RGS3: variants seen among roughly 807,000 people sequenced by gnomAD.
RGS3 encodes the protein regulator of G protein signaling 3, also known as regulator of G-protein signalling 3.
A neutral mutation model predicts 132.6 loss-of-function variants in RGS3; 80 were observed. The observed-to-expected ratio is 0.60, with a 90% CI of 0.50 to 0.73. RGS3 has a LOEUF of 0.73. Among genes scored for constraint, RGS3 ranks in the 30% least tolerant of loss-of-function variants. The probability of loss-of-function intolerance (pLI) is 0.00; values close to 1 mark genes in which losing one functional copy is unlikely to be tolerated. For synonymous variants in RGS3, 598 were observed against 620.6 expected, an observed-to-expected ratio of 0.96 and a Z score of 0.54; for missense variants, 1,382 against 1,530.8, an observed-to-expected ratio of 0.90 and a Z score of 1.62.
intron 18 of RGS3, among the ~76,000 whole-genome samples, chr9:113,534,662 A>C (rs973308017): frequency 6.9e-6 from 1 of 144,940 alleles, no homozygotes; most frequent in Non-Finnish European, 1.5e-5. Context: ...CCCAGGCTGG[A>C]GTGCAGTGGC....
chr9:113,500,585 CT>C (rs1830842265), intron 10 of RGS3, among the ~76,000 whole-genome samples: 1 of 152,066 alleles, frequency 6.6e-6, no homozygotes, highest in African/African-American at 2.4e-5. Flanking sequence ...GCTGGGTTGT[CT>C]GATGACCTGG....
At chr9:113,515,267 C>T (rs1831595666) in intron 15 of RGS3, among the ~76,000 whole-genome samples, 1 of 152,102 alleles carries the variant, frequency 6.6e-6, no homozygotes, top group Non-Finnish European at 1.5e-5. Context: ...GAGCTGTGAT[C>T]ATAACCCTGC....
Position 113,494,212 on chromosome 9 carries a change from C to CA in RGS3, c.690-1574_690-1573insA, listed in dbSNP as rs1418456871. Among the ~76,000 whole-genome samples the CA allele has an allele frequency of 2.0e-5, 3 of 151,340 alleles. No individual in the cohort carries two copies. The East Asian group carries it at 5.8e-4, about 29-fold the overall frequency. ...GTCCTTAAAAGTATATTGATACTGT[C>CA]TTTTTTTTTCTCCTGATTATAAAAA... On this transcript the variant is annotated intron_variant, in intron 7 of 24. Coordinates refer to ENST00000350696, the Ensembl canonical transcript of RGS3.
chr9:113,586,700 A>G (rs1407140629), intron 20 of RGS3, among the ~76,000 whole-genome samples: 1 of 152,168 alleles, frequency 6.6e-6, no homozygotes, highest in Non-Finnish European at 1.5e-5. Context: ...TAGCTTCAGT[A>G]GGAAACTTGT....
At chr9:113,557,466 T>C (rs1000232188) in intron 19 of RGS3, among the ~76,000 whole-genome samples, 4 of 152,226 alleles carry the variant, frequency 2.6e-5, no homozygotes, top group Non-Finnish European at 5.9e-5. Flanking sequence ...GTTAAACTAA[T>C]GGACTGAGGC....
intron 3 of RGS3, chr9:113,462,261 G>A (rs1829493573): frequency 9.0e-7 from 1 of 1,107,280 alleles, no homozygotes. Context: ...GTTAAAGGCA[G>A]TGTTCACCAT....
chr9:113,497,516 C>T (rs1250302700), intron 9 of RGS3, 112 bp downstream of exon 7: 1 of 879,848 alleles, frequency 1.1e-6, no homozygotes, highest in East Asian at 2.6e-5. Flanking sequence ...AGAATGCTAT[C>T]AGCCTGCTGG....
At chr9:113,554,390 C>T (rs1039984856) in intron 19 of RGS3, among the ~76,000 whole-genome samples, 2 of 152,234 alleles carry the variant, frequency 1.3e-5, no homozygotes, top group South Asian at 2.1e-4. Flanking sequence ...ACTGCAACCT[C>T]CACCTTCTGA....
chr9:113,473,263 T>C (rs879914104), intron 3 of RGS3, among the ~76,000 whole-genome samples: 2 of 152,208 alleles, frequency 1.3e-5, no homozygotes, highest in Non-Finnish European at 2.9e-5. Context: ...TCAAAGACTT[T>C]GTGGACAAAT....
At chr9:113,466,471 A>G (rs1224199412) in intron 3 of RGS3, among the ~76,000 whole-genome samples, 5 of 152,158 alleles carry the variant, frequency 3.3e-5, no homozygotes, top group Admixed American at 3.3e-4. Flanking sequence ...CATGAACACA[A>G]CCCCTTGTCC....
chr9:113,567,207 T>C (rs549822552), intron 19 of RGS3, among the ~76,000 whole-genome samples: 4 of 152,294 alleles, frequency 2.6e-5, no homozygotes, highest in Non-Finnish European at 5.9e-5. Flanking sequence ...CTGTTCCAGC[T>C]GCCTGGAAAC....
At chr9:113,469,597 CA>C (rs1010738013) in intron 3 of RGS3, among the ~76,000 whole-genome samples, 59 of 145,576 alleles carry the variant, frequency 4.1e-4, no homozygotes, top group Non-Finnish European at 5.5e-4. Flanking sequence ...TGACTTCTCA[CA>C]AAAAAAAAAC....
chr9:113,501,261 T>C, intron 10 of RGS3: 1 of 447,092 alleles, frequency 2.2e-6, no homozygotes, highest in South Asian at 4.5e-5. Context: ...AAGTGGCCCA[T>C]GGCGGAGAAT....
At position 113,557,315 on chromosome 9, in the gene RGS3, T is replaced by A. The variant is rs1377893293; in HGVS notation, c.2037+20397T>A. Among the ~76,000 whole-genome samples the A allele has an allele frequency of 2.0e-5, 3 of 152,376 alleles. No homozygotes were observed. The East Asian group carries it at 5.8e-4, about 29-fold the overall frequency. On this transcript the variant is annotated intron_variant, in intron 19 of 24. Transcript: ENST00000350696. ...CTCACTCCCTTAGTGGTAGCAGTGC[T>A]GCTGCCAGAAGGGCCAGGGTTATGG... is the stretch of plus-strand genomic sequence containing the variant.
chr9:113,544,315 T>C (rs1833023330), intron 19 of RGS3, among the ~76,000 whole-genome samples: 1 of 149,116 alleles, frequency 6.7e-6, no homozygotes, highest in African/African-American at 2.5e-5. Flanking sequence ...TTTTTTTTTT[T>C]CTTTTTATGT....
chr9:113,483,445 C>G (rs1472928488), intron 5 of RGS3, among the ~76,000 whole-genome samples: 1 of 152,208 alleles, frequency 6.6e-6, no homozygotes, highest in Non-Finnish European at 1.5e-5. Context: ...CACCCACTTT[C>G]CCCCCAAACT....
Position 113,454,877 on chromosome 9 carries a change from G to A in RGS3, c.-12-5368G>A, listed in dbSNP as rs151067785. Reference sequence around the variant, plus strand: ...GTGTGAGCTTTAAAGATTGTTCCCTGTAATTCTTTGGTGGTTCTTTCCCCA... The same window carrying A: ...GTGTGAGCTTTAAAGATTGTTCCCTATAATTCTTTGGTGGTTCTTTCCCCA... On this transcript the variant is annotated intron_variant, in intron 1 of 25. Transcript: ENST00000374140. Among the ~76,000 whole-genome samples the A allele has an allele frequency of 7.2e-3, 1,102 of 152,144 alleles. 31 individuals are homozygous for A. The highest frequency in any genetic ancestry group is 0.044 in the Admixed American group (665 of 15,274).
intron 3 of RGS3, among the ~76,000 whole-genome samples, chr9:113,469,008 G>A (rs1829737544): frequency 6.6e-6 from 1 of 150,772 alleles, no homozygotes; most frequent in South Asian, 2.1e-4. Flanking sequence ...TCTGGAGGCA[G>A]AGTAGACTTA....
chr9:113,547,038 G>T (rs763380164), intron 19 of RGS3, among the ~76,000 whole-genome samples: 15 of 152,152 alleles, frequency 9.9e-5, no homozygotes, highest in Non-Finnish European at 2.1e-4. Context: ...TAAAGATGAG[G>T]ATAAAGTAGC....
Sources: gnomAD v4.1 joint callset for allele counts (sites outside exome capture counted in the v4.1 genomes callset) on GRCh38, gnomAD v4.1.1 for gene constraint, MANE v1.5 for transcripts, NCBI Gene and HGNC (gene_info 2026-07-23, HGNC 2026-07-21) for gene names.